The following ADGRB3 variants were observed in gnomAD, a reference collection of about 807,000 sequenced individuals.
ADGRB3 encodes the protein brain-specific angiogenesis inhibitor 3.
A neutral mutation model predicts 193.4 loss-of-function variants in ADGRB3; 37 were observed. That is an observed-to-expected ratio of 0.19 (90% confidence interval 0.15 to 0.25). The LOEUF (loss-of-function observed/expected upper bound fraction) is 0.25. Among genes scored for constraint, ADGRB3 ranks in the 10% least tolerant of loss-of-function variants. The pLI is 1.00. For missense variants in ADGRB3, 1,637 were observed against 1,852.9 expected (o/e 0.88, Z 2.14); for synonymous variants, 690 against 644.2 (o/e 1.07, Z -1.08).
chr6:68,789,250 T>C (rs1324853506), intron 3 of ADGRB3, among the ~76,000 whole-genome samples: 12 of 152,156 alleles, frequency 7.9e-5, no homozygotes, highest in Middle Eastern at 3.4e-3. Context: ...TTCCTAGCCT[T>C]GATGGTCTTT....
chr6:69,304,373 T>C (rs548878968), intron 20 of ADGRB3, among the ~76,000 whole-genome samples: 58 of 151,742 alleles, frequency 3.8e-4, no homozygotes, highest in African/African-American at 1.4e-3. Context: ...TCTAGGACTT[T>C]GAAGACTTGC....
chr6:69,064,331 T>G (rs1354543489), intron 16 of ADGRB3, among the ~76,000 whole-genome samples: 1 of 149,634 alleles, frequency 6.7e-6, no homozygotes, highest in Admixed American at 6.7e-5. Context: ...CTTTAAACTA[T>G]TCTAAATAGT....
chr6:69,083,308 A>G (rs1036460096), intron 17 of ADGRB3, among the ~76,000 whole-genome samples: 1 of 152,266 alleles, frequency 6.6e-6, no homozygotes, highest in Middle Eastern at 3.4e-3. Flanking sequence ...GTATTTGAGG[A>G]CTAGAAGTGT....
chr6:68,839,368 A>G (rs565024399), intron 3 of ADGRB3, among the ~76,000 whole-genome samples: 17 of 152,312 alleles, frequency 1.1e-4, no homozygotes, highest in Non-Finnish European at 1.6e-4. Context: ...AGCTTCTCAT[A>G]TGGTGACTTC....
chr6:69,275,223 G>T (rs1767276238), intron 20 of ADGRB3, among the ~76,000 whole-genome samples: 1 of 152,058 alleles, frequency 6.6e-6, no homozygotes, highest in African/African-American at 2.4e-5. Context: ...CAATGAATAG[G>T]TTCAATTACT....
chr6:68,693,558 G>A (rs1056018616), intron 3 of ADGRB3, among the ~76,000 whole-genome samples: 3 of 151,986 alleles, frequency 2.0e-5, no homozygotes, highest in African/African-American at 7.2e-5. Flanking sequence ...GAAAGAAAAT[G>A]ATAGTGGGAA....
intron 3 of ADGRB3, among the ~76,000 whole-genome samples, chr6:68,850,499 G>C (rs896242615): frequency 6.6e-6 from 1 of 151,924 alleles, no homozygotes; most frequent in African/African-American, 2.4e-5. Context: ...CTTTGTGGGA[G>C]GGTTGTGGGG....
intron 3 of ADGRB3, among the ~76,000 whole-genome samples, chr6:68,663,057 A>G (rs1768707794): frequency 6.6e-6 from 1 of 151,408 alleles, no homozygotes; most frequent in African/African-American, 2.4e-5. Context: ...CAACAATATT[A>G]TATGGAAAAG....
chr6:68,787,157 C>A (rs1297293890), intron 3 of ADGRB3, among the ~76,000 whole-genome samples: 6 of 152,136 alleles, frequency 3.9e-5, no homozygotes, highest in Non-Finnish European at 8.8e-5. Context: ...CCTTCTCCTG[C>A]ATGATTGCCC....
chr6:69,380,307 T>C (rs1022437175), intron 30 of ADGRB3, among the ~76,000 whole-genome samples: 4 of 151,918 alleles, frequency 2.6e-5, no homozygotes, highest in Non-Finnish European at 5.9e-5. Context: ...GGAATATCAA[T>C]GGACATTTCC....
At chr6:69,317,068 A>G (rs1159677311) in intron 20 of ADGRB3, among the ~76,000 whole-genome samples, 2 of 151,540 alleles carry the variant, frequency 1.3e-5, no homozygotes, top group Non-Finnish European at 3.0e-5. Flanking sequence ...GATGTTCTAA[A>G]TTTTTATCTT....
chr6:69,103,897 T>C (rs1365597897), intron 17 of ADGRB3, among the ~76,000 whole-genome samples: 2 of 152,006 alleles, frequency 1.3e-5, no homozygotes, highest in African/African-American at 4.8e-5. Context: ...AACAACTAGA[T>C]CCTTCCTATC....
intron 3 of ADGRB3, among the ~76,000 whole-genome samples, chr6:68,872,099 A>G (rs551216): frequency 0.31 from 47,569 of 152,036 alleles, 8,080 homozygotes; most frequent in East Asian, 0.59. Flanking sequence ...GTAAACAGAC[A>G]TGTAAGACTT....
intron 20 of ADGRB3, among the ~76,000 whole-genome samples, chr6:69,278,948 G>A (rs1321032333): frequency 6.6e-6 from 1 of 150,516 alleles, no homozygotes; most frequent in Non-Finnish European, 1.5e-5. Context: ...GAAAATTCAT[G>A]GAATACTTGA....
At chr6:69,210,424 A>T (rs530589746) in intron 17 of ADGRB3, among the ~76,000 whole-genome samples, 1 of 152,124 alleles carries the variant, frequency 6.6e-6, no homozygotes, top group South Asian at 2.1e-4. Context: ...TATCCAGATT[A>T]ACGGTGGGTC....
At chr6:69,224,730 C>T (rs939373923) in intron 17 of ADGRB3, among the ~76,000 whole-genome samples, 1 of 152,062 alleles carries the variant, frequency 6.6e-6, no homozygotes, top group Non-Finnish European at 1.5e-5. Context: ...CAGTTTTATT[C>T]AAATTTCCAT....
chr6:68,833,837 T>C (rs1767999357), intron 3 of ADGRB3, among the ~76,000 whole-genome samples: 1 of 151,920 alleles, frequency 6.6e-6, no homozygotes, highest in African/African-American at 2.4e-5. Context: ...AACAAATATA[T>C]TTTTCTGGAA....
intron 17 of ADGRB3, among the ~76,000 whole-genome samples, chr6:69,136,178 G>A (rs1303028827): frequency 6.6e-6 from 1 of 151,974 alleles, no homozygotes; most frequent in African/African-American, 2.4e-5. Context: ...TCAAATATAT[G>A]TATGTAGTTG....
chr6:68,895,871 CAT>C (rs1179648915), intron 3 of ADGRB3, among the ~76,000 whole-genome samples: 1 of 151,206 alleles, frequency 6.6e-6, no homozygotes, highest in Non-Finnish European at 1.5e-5. Context: ...CAGACAAAAA[CAT>C]ATAAAATATC....
Sources: allele counts gnomAD v4.1 joint callset (sites outside exome capture counted in the v4.1 genomes callset), GRCh38; gene constraint gnomAD v4.1.1; transcripts MANE v1.5; gene names NCBI Gene and HGNC (gene_info 2026-07-23, HGNC 2026-07-21).